Variants in SLC6A15 observed in about 807,000 individuals in gnomAD.
SLC6A15 encodes the protein sodium-dependent neutral amino acid transporter B(0)AT2.
In SLC6A15, 33 loss-of-function variants were observed where a neutral mutation model predicts 68.5. The observed-to-expected ratio is 0.48, with a 90% CI of 0.37 to 0.64. SLC6A15 has a LOEUF of 0.64. Among genes scored for constraint, SLC6A15 ranks in the 30% least tolerant of loss-of-function variants. The pLI is 0.00. For synonymous variants in SLC6A15, 347 were observed against 301.0 expected, an observed-to-expected ratio of 1.15 and a Z score of -1.58; for missense variants, 747 against 874.3, an observed-to-expected ratio of 0.85 and a Z score of 1.84.
intron 5 of SLC6A15, chr12:84,882,591 G>T: frequency 2.3e-6 from 1 of 431,914 alleles, no homozygotes; most frequent in Non-Finnish European, 3.1e-6. Context: ...GGTGGGACTA[G>T]GACGGGGTGA....
In SLC6A15 at chr12:84,891,973, C is replaced by A; in HGVS notation, c.148G>T (p.Asp50Tyr). 1 of 1,614,016 alleles carries A rather than the reference C, an allele frequency of 6.2e-7. No homozygotes were observed. Among genetic ancestry groups the A allele is most frequent in the Non-Finnish European group, 8.5e-7 (1 of 1,179,986 alleles). The stretch of plus-strand genomic sequence containing the variant: ...TCGACTTCAGATCCTTCTTCAACAT[C>A]TGTATCTTTCTCTTCCTGGCCATCA... ...IVDGQEEKDT[D>Y]VEEGSEVEDE... The change falls in exon 2 of 12, where the codon GAT (aspartate) becomes TAT (tyrosine). Residue 50 changes from aspartate to tyrosine, a missense_variant. Coordinates refer to ENST00000266682, the MANE Select transcript of SLC6A15 (RefSeq NM_182767.6).
chr12:84,884,066 T>A (rs1400393677), intron 4 of SLC6A15, 26 bp from the exon 5 acceptor site: 63 of 1,579,952 alleles, frequency 4.0e-5, no homozygotes, highest in Non-Finnish European at 5.2e-5. Context: ...TAACACACAA[T>A]TATTTCAGAA....
intron 6 of SLC6A15, among the ~76,000 whole-genome samples, chr12:84,875,899 T>A (rs977607390): frequency 6.6e-6 from 1 of 151,208 alleles, no homozygotes; most frequent in Non-Finnish European, 1.5e-5. Context: ...GTTACAGAAC[T>A]TCACAAGCTG....
intron 2 of SLC6A15, among the ~76,000 whole-genome samples, chr12:84,887,969 T>C (rs1261780226): frequency 2.6e-5 from 4 of 151,954 alleles, no homozygotes; most frequent in Admixed American, 6.6e-5. Context: ...CTCATGCCTG[T>C]AATCTCAGCA....
intron 3 of SLC6A15, 125 bp from the exon 4 acceptor site, chr12:84,885,686 C>T (rs765889146): frequency 4.4e-6 from 5 of 1,143,272 alleles, no homozygotes; most frequent in Non-Finnish European, 6.1e-6. Flanking sequence ...ATTTGGGACA[C>T]ATTATCTTTT....
chr12:84,905,151 A>C (rs148436659), intron 1 of SLC6A15, among the ~76,000 whole-genome samples: 238 of 152,330 alleles, frequency 1.6e-3, no homozygotes, highest in African/African-American at 5.5e-3. Context: ...ATGAATATAG[A>C]CACAAAATTC....
chr12:84,904,355 C>T (rs554211880), intron 1 of SLC6A15, among the ~76,000 whole-genome samples: 36 of 152,022 alleles, frequency 2.4e-4, no homozygotes, highest in Admixed American at 2.4e-3. Context: ...CCAATTAGAG[C>T]AAATGAACCA....
chr12:84,899,409 C>T (rs539560357), intron 1 of SLC6A15, among the ~76,000 whole-genome samples: 1 of 152,152 alleles, frequency 6.6e-6, no homozygotes, highest in Non-Finnish European at 1.5e-5. Context: ...AGGAGAGGCA[C>T]AAAGTGATAA....
At chr12:84,903,398 A>C (rs1440775763) in intron 1 of SLC6A15, among the ~76,000 whole-genome samples, 1 of 152,176 alleles carries the variant, frequency 6.6e-6, no homozygotes, top group African/African-American at 2.4e-5. Flanking sequence ...CAAAAAATAA[A>C]ATAAAATATA....
In SLC6A15 at chr12:84,863,561, T is replaced by C. The variant is rs1870940841; in HGVS notation, c.1696A>G (p.Ser566Gly). The C allele has an allele frequency of 6.3e-7, 1 of 1,584,932 alleles. No individual in the cohort carries two copies. Residue 566 changes from serine (S) to glycine (G), a missense_variant, in exon 11 of 12, where the codon AGC (serine) becomes GGC (glycine). Ser to Gly is a moderately conservative substitution (Grantham distance 56). Transcript: ENST00000266682. Reference sequence around the variant, plus strand: ...TTCCACATATAGTAGTAATATCTGCTGGGAGCAAAGCCCAGCATATCTTTT... The same window carrying C: ...TTCCACATATAGTAGTAATATCTGCCGGGAGCAAAGCCCAGCATATCTTTT... ...DLKDMLGFAP[S>G]RYYYYMWKYI...
At chr12:84,880,905 G>C (rs1871791017) in intron 5 of SLC6A15, 1 of 977,200 alleles carries the variant, frequency 1.0e-6, no homozygotes, top group African/African-American at 1.8e-5. Flanking sequence ...CATTCTTTTT[G>C]AAAATTCTGT....
In SLC6A15 at chr12:84,861,856, A is replaced by G; in HGVS notation, c.1969T>C (p.Tyr657His). 3 of 1,613,874 alleles carry G rather than the reference A, an allele frequency of 1.9e-6. No individual in the cohort carries two copies. Among genetic ancestry groups the G allele is most frequent in the Non-Finnish European group, 2.5e-6 (3 of 1,179,914 alleles). Residue 657 changes from tyrosine to histidine, a missense_variant, in exon 12 of 12, where the codon TAT becomes CAT. Tyr to His is a moderately conservative substitution (Grantham distance 83). Transcript: ENST00000266682. ...DSSGNLASVT[Y>H]KRGRVLKEPV... The stretch of plus-strand genomic sequence containing the variant: ...TCTTTCAGGACCCTTCCTCTCTTAT[A>G]GGTCACAGATGCTAAATTACCAGAA...
chr12:84,871,763 A>T (rs1336095119), intron 8 of SLC6A15, among the ~76,000 whole-genome samples: 2 of 152,098 alleles, frequency 1.3e-5, no homozygotes, highest in African/African-American at 4.8e-5. Context: ...TCTCCATTAT[A>T]TTTTCCTTTT....
At chr12:84,863,024 C>T (rs1344731272) in intron 11 of SLC6A15, among the ~76,000 whole-genome samples, 2 of 152,130 alleles carry the variant, frequency 1.3e-5, no homozygotes, top group Non-Finnish European at 2.9e-5. Context: ...CTGCTGGCCT[C>T]AAGTGATGCT....
intron 5 of SLC6A15, chr12:84,883,480 A>G (rs1871926003): frequency 8.3e-7 from 1 of 1,206,168 alleles, no homozygotes; most frequent in Admixed American, 4.2e-5. Flanking sequence ...CAAACAAACA[A>G]AATGAATGAA....
intron 5 of SLC6A15, chr12:84,883,202 C>G (rs1311588197): frequency 1.0e-6 from 1 of 976,044 alleles, no homozygotes; most frequent in Non-Finnish European, 1.2e-6. Context: ...ATAGCAATTA[C>G]TTTCCTAGAG....
Position 84,892,182 on chromosome 12 carries a change from C to T in SLC6A15, c.-62G>A, listed in dbSNP as rs985739213. ...AACTCCCTTATGGCAAATGTGTTAA[C>T]TCTATTTTTCAAAACAATGTTACTT... is the stretch of plus-strand genomic sequence containing the variant. On this transcript the variant is annotated 5_prime_UTR_variant, in exon 2 of 12. Transcript: ENST00000266682. The T allele has an allele frequency of 1.7e-5, 24 of 1,424,762 alleles. No individual in the cohort carries two copies. Among genetic ancestry groups the T allele is most frequent in the Non-Finnish European group, 2.2e-5 (23 of 1,058,076 alleles). The allele number at this position is 1,424,762 out of a possible 1,614,324, so 88.3% of individuals were successfully genotyped here. A position where few individuals can be genotyped will look rare whatever the true frequency, so the allele number is the denominator to read the frequency against.
intron 1 of SLC6A15, among the ~76,000 whole-genome samples, chr12:84,896,523 T>C (rs1872645343): frequency 6.6e-6 from 1 of 152,228 alleles, no homozygotes; most frequent in Admixed American, 6.5e-5. Flanking sequence ...TGCCAACCTC[T>C]CTTTCAGAGA....
At position 84,861,915 on chromosome 12, in the gene SLC6A15, A is replaced by T; in HGVS notation, c.1910T>A (p.Phe637Tyr). 6.2e-7 allele frequency: 1 copy of T among 1,614,048 alleles called. No individual in the cohort carries two copies. The highest frequency in any genetic ancestry group is 8.5e-7 in the Non-Finnish European group (1 of 1,179,924). Residue 637 changes from phenylalanine (F) to tyrosine (Y), a missense_variant, in exon 12 of 12, where the codon TTC becomes TAC. Coordinates refer to ENST00000266682, the MANE Select transcript of SLC6A15 (RefSeq NM_182767.6). ...VFAILPVPVV[F>Y]IVRRFNLIDD... ...TATAAGGTTGAAGCGACGAACAATG[A>T]AAACTACAGGGACTGGGAGTATTGC...
Sources: gnomAD v4.1 joint callset for allele counts (sites outside exome capture counted in the v4.1 genomes callset) on GRCh38, gnomAD v4.1.1 for gene constraint, MANE v1.5 for transcripts, NCBI Gene and HGNC (gene_info 2026-07-23, HGNC 2026-07-21) for gene names.